The following ARHGEF18 variants were observed in gnomAD, a reference collection of about 807,000 sequenced individuals.
ARHGEF18 encodes the protein rho guanine nucleotide exchange factor 18.
A neutral mutation model predicts 155.7 loss-of-function variants in ARHGEF18; 93 were observed. That is an observed-to-expected ratio of 0.60 (90% CI 0.50 to 0.71). The LOEUF is 0.71. Among genes scored for constraint, ARHGEF18 ranks in the 30% least tolerant of loss-of-function variants. The pLI, the probability that ARHGEF18 is intolerant of heterozygous loss-of-function variation, is 0.00. For synonymous variants in ARHGEF18, 742 were observed against 753.1 expected, an observed-to-expected ratio of 0.99 and a Z score of 0.24; for missense variants, 1,593 against 1,816.1, an observed-to-expected ratio of 0.88 and a Z score of 2.23.
chr19:7,383,931 T>G (rs1240241318), intron 10 of ARHGEF18, among the ~76,000 whole-genome samples: 6 of 151,872 alleles, frequency 4.0e-5, no homozygotes, highest in Non-Finnish European at 7.4e-5. Flanking sequence ...GAGTCTCTAC[T>G]CGAGAAAAAG....
intron 10 of ARHGEF18, among the ~76,000 whole-genome samples, chr19:7,385,866 T>TCTCTCTCCCC (rs1971005142): frequency 4.9e-5 from 4 of 82,152 alleles, no homozygotes; most frequent in Admixed American, 3.4e-4. Flanking sequence ...TCTCTCTCTC[T>TCTCTCTCCCC]CTCTCCCCCC....
chr19:7,446,662 C>T (rs943740558), intron 14 of ARHGEF18, among the ~76,000 whole-genome samples: 2 of 151,362 alleles, frequency 1.3e-5, no homozygotes, highest in Non-Finnish European at 2.9e-5. Context: ...AATCGCTTGA[C>T]CCCGGGAGGT....
At chr19:7,370,914 TTC>T (rs1491019809) in intron 2 of ARHGEF18, among the ~76,000 whole-genome samples, 12 of 151,802 alleles carry the variant, frequency 7.9e-5, no homozygotes, top group African/African-American at 2.9e-4. Context: ...TTTTTTTTCT[TTC>T]TTTCTTTCTT....
chr19:7,353,677 G>T (rs1358784524), intron 1 of ARHGEF18, among the ~76,000 whole-genome samples: 2 of 151,900 alleles, frequency 1.3e-5, no homozygotes, highest in Non-Finnish European at 2.9e-5. Flanking sequence ...ATTTAGCCAG[G>T]TGTGGTGGCT....
At position 7,372,863 on chromosome 19, in the gene ARHGEF18, G is replaced by T. The variant is rs2145402829; in HGVS notation, c.67G>T (p.Asp23Tyr). The T allele has an allele frequency of 8.1e-7, 1 of 1,234,524 alleles. No individual in the cohort carries two copies. The highest frequency in any genetic ancestry group is 3.2e-5 in the East Asian group (1 of 31,712). 76.5% of individuals were successfully genotyped at this position (1,234,524 alleles called of 1,614,324 possible). A position where few individuals can be genotyped will look rare whatever the true frequency, so the allele number is the denominator to read the frequency against. ...LSESMEDLSL[D>Y]LGALQGSEYL... ...CGAGAGTATGGAGGACCTCAGCCTG[G>T]ATTTGGGGGCCCTTCAGGGCAGCGA... is the stretch of plus-strand genomic sequence containing the variant. Residue 23 changes from aspartate (D) to tyrosine (Y), a missense_variant, in exon 3 of 29, where the codon GAT (aspartate) becomes TAT (tyrosine). Physicochemically the swap from Asp to Tyr is radical, Grantham distance 160. Coordinates refer to ENST00000668164, the MANE Select transcript of ARHGEF18 (RefSeq NM_001367823.1).
At chr19:7,382,988 G>A in intron 9 of ARHGEF18, 74 bp from the exon 10 acceptor site, 1 of 1,232,398 alleles carries the variant, frequency 8.1e-7, no homozygotes, top group Non-Finnish European at 1.0e-6. Flanking sequence ...GGCTGGTGGT[G>A]GGCTGGGTAC....
chr19:7,411,031 A>T (rs1306935278), intron 10 of ARHGEF18, among the ~76,000 whole-genome samples: 1 of 151,972 alleles, frequency 6.6e-6, no homozygotes, highest in East Asian at 1.9e-4. Context: ...CATCTGCAAT[A>T]TCTATAGGTG....
intron 6 of ARHGEF18, among the ~76,000 whole-genome samples, 168 bp downstream of exon 6, chr19:7,378,619 T>C (rs115936275): frequency 0.016 from 2,391 of 145,812 alleles, 41 homozygotes; most frequent in African/African-American, 0.042. Context: ...ACCATCCTTC[T>C]CCCGGTGGGA....
rs890340143 is a variant in ARHGEF18 at position 7,417,323 on chromosome 19, A to G, written c.968-23021A>G. 2.0e-5 allele frequency among the ~76,000 whole-genome samples: 3 copies of G among 152,076 alleles called. No homozygotes were observed. In the East Asian group the frequency reaches 5.8e-4, roughly 29 times the overall value. ...TAGCACTTTGGGAGGCAGAGGGAGGAGGACTGCTTGAGGCCAGGAGTTCAA... is the reference window on the plus strand; with the variant it reads ...TAGCACTTTGGGAGGCAGAGGGAGGGGGACTGCTTGAGGCCAGGAGTTCAA... On this transcript the variant is annotated intron_variant, in intron 10 of 28. Transcript: ENST00000668164.
chr19:7,412,197 G>C (rs903065362), intron 10 of ARHGEF18, among the ~76,000 whole-genome samples: 1 of 151,360 alleles, frequency 6.6e-6, no homozygotes, highest in African/African-American at 2.4e-5. Flanking sequence ...CACCACACCC[G>C]GCTAATTTTT....
rs377253179 is a variant in ARHGEF18, at chr19:7,467,041, C to G, written c.2962-30C>G. 6.5e-5 allele frequency: 105 copies of G among 1,610,854 alleles called. No individual in the cohort carries two copies. The East Asian group carries it at 7.6e-4, about 12-fold the overall frequency. On this transcript the variant is annotated intron_variant, in intron 24 of 28. Transcript: ENST00000668164. ...CGCGCGTGTGGCCTCAGCCCGATAA[C>G]TAGCATCAATCTCCCTCTCCTCTCC...
At chr19:7,478,328 C>A in the ARHGEF18 span, 17 of 1,610,976 alleles carry the variant, frequency 1.1e-5, no homozygotes, top group Middle Eastern at 1.5e-3. Context: ...TGAAGGGCGC[C>A]GTGGGGCTCC....
At chr19:7,350,897 G>A (rs1468892273) in intron 1 of ARHGEF18, among the ~76,000 whole-genome samples, 4 of 151,782 alleles carry the variant, frequency 2.6e-5, no homozygotes, top group East Asian at 3.9e-4. Context: ...TCCGCCTCTC[G>A]GGTTTAAGCA....
intron 10 of ARHGEF18, among the ~76,000 whole-genome samples, chr19:7,436,197 C>CT (rs567879436): frequency 0.01 from 819 of 78,526 alleles, 4 homozygotes; most frequent in African/African-American, 0.028. Flanking sequence ...AGCATTTCTT[C>CT]TTTTTTTTTT....
rs79648139 is a variant in ARHGEF18 at position 7,428,097 on chromosome 19, G to A, written c.968-12247G>A. 3.5e-3 allele frequency among the ~76,000 whole-genome samples: 537 copies of A among 152,294 alleles called. 1 individual carries two copies. Among genetic ancestry groups the A allele is most frequent in the African/African-American group, 0.012 (517 of 41,568 alleles). Reference sequence around the variant, plus strand: ...AATAAGATGATAAAACCAGAAAGTAGCTCAACAGTTAATTCCTGCGGTCAT... The same window carrying A: ...AATAAGATGATAAAACCAGAAAGTAACTCAACAGTTAATTCCTGCGGTCAT... On this transcript the variant is annotated intron_variant, in intron 10 of 28. Coordinates refer to ENST00000668164, the MANE Select transcript of ARHGEF18 (RefSeq NM_001367823.1).
intron 1 of ARHGEF18, among the ~76,000 whole-genome samples, chr19:7,357,767 G>A (rs1969369634): frequency 6.6e-6 from 1 of 152,070 alleles, no homozygotes; most frequent in Non-Finnish European, 1.5e-5. Flanking sequence ...ACTTGGGGTG[G>A]CAAGTAAGGC....
intron 10 of ARHGEF18, among the ~76,000 whole-genome samples, chr19:7,420,472 T>C (rs1973285903): frequency 6.6e-6 from 1 of 152,106 alleles, no homozygotes; most frequent in African/African-American, 2.4e-5. Context: ...AGGCTGGTCT[T>C]GAACTCCCAG....
chr19:7,367,672 G>A (rs1483777836), intron 2 of ARHGEF18, among the ~76,000 whole-genome samples: 1 of 148,618 alleles, frequency 6.7e-6, no homozygotes, highest in Non-Finnish European at 1.5e-5. Context: ...CTTGAACCCA[G>A]GAGGTGGAGG....
intron 2 of ARHGEF18, among the ~76,000 whole-genome samples, chr19:7,371,182 G>A (rs987301093): frequency 2.6e-5 from 4 of 152,114 alleles, no homozygotes; most frequent in East Asian, 1.9e-4. Context: ...TCCAAGGCAT[G>A]AGCCACCACG....
Sources: allele counts gnomAD v4.1 joint callset (sites outside exome capture counted in the v4.1 genomes callset), GRCh38; gene constraint gnomAD v4.1.1; transcripts MANE v1.5; gene names NCBI Gene and HGNC (gene_info 2026-07-23, HGNC 2026-07-21).